Variants in LRRC38 observed in about 807,000 individuals in gnomAD.
LRRC38 encodes leucine-rich repeat-containing protein 38.
In LRRC38, 5 loss-of-function variants were observed where a neutral mutation model predicts 16.4. That is an observed-to-expected ratio of 0.31 (90% CI 0.16 to 0.64). LRRC38 has a LOEUF of 0.64. Ranked by LOEUF, LRRC38 falls within the 30% of genes least tolerant of loss-of-function variation. The pLI is 0.80. For missense variants in LRRC38, 341 were observed against 401.8 expected (o/e 0.85, Z 1.29); for synonymous variants, 191 against 190.2 (o/e 1.00, Z -0.04).
intron 1 of LRRC38, among the ~76,000 whole-genome samples, chr1:13,504,918 G>A (rs574467310): frequency 1.0e-3 from 154 of 152,142 alleles, no homozygotes; most frequent in Middle Eastern, 3.4e-3. Flanking sequence ...TATGAGAAGC[G>A]GAGACAAGCA....
chr1:13,488,601 A>G (rs1328081237), intron 1 of LRRC38, among the ~76,000 whole-genome samples: 1 of 152,074 alleles, frequency 6.6e-6, no homozygotes, highest in Non-Finnish European at 1.5e-5. Flanking sequence ...CCTAAGATAC[A>G]TTCCCACAAG....
At chr1:13,489,547 C>T (rs1638983041) in intron 1 of LRRC38, among the ~76,000 whole-genome samples, 1 of 151,986 alleles carries the variant, frequency 6.6e-6, no homozygotes, top group African/African-American at 2.4e-5. Context: ...CTGTGTAGTG[C>T]TCTTCCCAGG....
At chr1:13,490,927 G>A (rs936181757) in intron 1 of LRRC38, among the ~76,000 whole-genome samples, 1 of 152,144 alleles carries the variant, frequency 6.6e-6, no homozygotes, top group Non-Finnish European at 1.5e-5. Flanking sequence ...CTCAGGATAC[G>A]CAGGGGTGTG....
Position 13,475,949 on chromosome 1 carries a change from G to C in LRRC38, c.782C>G (p.Ala261Gly). ...CAGGAAGAAGCTGGAGATGATGGCC[G>C]CAATGGACACGGCCACACCGGAGAA... Reference protein sequence around the residue: ...IIFSGVAVSIAAIISSFFLAT... With the variant: ...IIFSGVAVSIGAIISSFFLAT... Residue 261 changes from alanine to glycine, a missense_variant, in exon 2 of 2, where the codon GCG (alanine) becomes GGG (glycine). Physicochemically the swap from Ala to Gly is moderately conservative, Grantham distance 60 (BLOSUM62 0). Coordinates refer to ENST00000376085, the MANE Select transcript of LRRC38 (RefSeq NM_001010847.2). The surrounding 1 kb of genome is among the most constrained non-coding windows in gnomAD (Gnocchi z 4.3). The C allele has an allele frequency of 6.4e-7, 1 of 1,550,490 alleles. No individual in the cohort carries two copies. The highest frequency in any genetic ancestry group is 8.7e-7 in the Non-Finnish European group (1 of 1,146,978).
chr1:13,500,202 C>A (rs1222666863), intron 1 of LRRC38, among the ~76,000 whole-genome samples: 1 of 151,074 alleles, frequency 6.6e-6, no homozygotes, highest in Admixed American at 6.6e-5. Context: ...TTGCAGTGAG[C>A]CGAGATCATG....
intron 1 of LRRC38, among the ~76,000 whole-genome samples, chr1:13,486,831 T>C (rs1368220540): frequency 2.0e-5 from 3 of 152,158 alleles, no homozygotes. Context: ...ACTCAAGCGA[T>C]CCACCTGCCT....
chr1:13,508,253 G>A (rs1639234525), intron 1 of LRRC38, among the ~76,000 whole-genome samples: 1 of 152,104 alleles, frequency 6.6e-6, no homozygotes, highest in Non-Finnish European at 1.5e-5. Context: ...ACAAAAAAAA[G>A]CATAGACTTT....
intron 1 of LRRC38, among the ~76,000 whole-genome samples, chr1:13,492,570 C>T (rs533670507): frequency 2.7e-4 from 41 of 152,064 alleles, no homozygotes; most frequent in Middle Eastern, 3.4e-3. Flanking sequence ...GGCCTGGTGG[C>T]GGGTGCCTGC....
In LRRC38 at chr1:13,483,010, C is replaced by T. The variant is rs151231475; in HGVS notation, c.632-6911G>A. Among the ~76,000 whole-genome samples the T allele has an allele frequency of 6.8e-3, 1,037 of 152,332 alleles. 3 individuals carry two copies. The highest frequency in any genetic ancestry group is 0.012 in the Non-Finnish European group (797 of 68,034). ...GAAATGCCAGAGCTGGGCCTGACCC[C>T]AGCTGGTCTGGCTCTGGAGCTTGGC... On this transcript the variant is annotated intron_variant, in intron 1 of 1. Coordinates refer to ENST00000376085, the MANE Select transcript of LRRC38 (RefSeq NM_001010847.2).
At chr1:13,504,709 TGA>T (rs1639188769) in intron 1 of LRRC38, among the ~76,000 whole-genome samples, 2 of 82,824 alleles carry the variant, frequency 2.4e-5, no homozygotes, top group South Asian at 1.1e-3. Context: ...GGTGACAGAG[TGA>T]GACTGTGTTG....
chr1:13,511,114 C>G (rs1026776949), intron 1 of LRRC38, among the ~76,000 whole-genome samples: 2 of 152,172 alleles, frequency 1.3e-5, no homozygotes, highest in Non-Finnish European at 2.9e-5. Flanking sequence ...CCTGTCCATC[C>G]TTCCTCCCGT....
chr1:13,512,410 A>G (rs952228412), intron 1 of LRRC38, among the ~76,000 whole-genome samples: 1 of 152,162 alleles, frequency 6.6e-6, no homozygotes, highest in Admixed American at 6.5e-5. Context: ...GAGAACTACA[A>G]ATCATTACTG....
At position 13,513,150 on chromosome 1, in the gene LRRC38, G is replaced by A. The variant is rs1639294582; in HGVS notation, c.444C>T (p.Phe148=). ...NNLVGVHEDA[F]ETLESLQVLE... is the part of the protein sequence containing the mutation. ...GCACCTGCAGCGACTCCAGGGTCTC[G>A]AAGGCGTCCTCGTGCACGCCCACCA... Residue 148 remains phenylalanine (F), a synonymous_variant, in exon 1 of 2, where the codon TTC becomes TTT. Coordinates refer to ENST00000376085, the MANE Select transcript of LRRC38 (RefSeq NM_001010847.2). 5 of 1,550,350 alleles carry A rather than the reference G, an allele frequency of 3.2e-6. No homozygotes were observed. Among genetic ancestry groups the A allele is most frequent in the Non-Finnish European group, 4.4e-6 (5 of 1,146,936 alleles).
intron 1 of LRRC38, among the ~76,000 whole-genome samples, chr1:13,503,751 C>T (rs368113665): frequency 1.5e-4 from 23 of 152,214 alleles, no homozygotes; most frequent in Non-Finnish European, 2.4e-4. Flanking sequence ...GGAGGACCCA[C>T]TGGGAGCTAA....
chr1:13,476,195 C>G lies in LRRC38; in HGVS notation c.632-96G>C, dbSNP rs999785609. 3.6e-6 allele frequency: 4 copies of G among 1,124,994 alleles called. No homozygotes were observed. In the African/African-American group the frequency reaches 4.8e-5, roughly 14 times the overall value. 69.7% of individuals were successfully genotyped at this position (1,124,994 alleles called of 1,614,324 possible). Reference sequence around the variant, plus strand: ...AGGTGCTTACAAAGCCAGCAATGTGCAAGCATCCTCCCAAAAATAAAAGGG... The same window carrying G: ...AGGTGCTTACAAAGCCAGCAATGTGGAAGCATCCTCCCAAAAATAAAAGGG... On this transcript the variant is annotated intron_variant, in intron 1 of 1. Transcript: ENST00000376085.
intron 1 of LRRC38, among the ~76,000 whole-genome samples, chr1:13,493,410 C>G (rs574276130): frequency 1.3e-5 from 2 of 152,276 alleles, no homozygotes; most frequent in Admixed American, 1.3e-4. Context: ...ATCTGACCTT[C>G]TACTGTCACA....
intron 1 of LRRC38, among the ~76,000 whole-genome samples, chr1:13,508,244 C>T (rs1224857373): frequency 1.3e-5 from 2 of 151,742 alleles, no homozygotes; most frequent in African/African-American, 4.8e-5. Flanking sequence ...CTCAAAACAA[C>T]AAAAAAAAGC....
intron 1 of LRRC38, among the ~76,000 whole-genome samples, chr1:13,484,251 T>C (rs1016349376): frequency 6.6e-6 from 1 of 152,240 alleles, no homozygotes; most frequent in East Asian, 1.9e-4. Flanking sequence ...CCTGCCTCCA[T>C]TCAAAGCAGC....
chr1:13,495,752 C>G (rs1022645620), intron 1 of LRRC38, among the ~76,000 whole-genome samples: 32 of 152,090 alleles, frequency 2.1e-4, no homozygotes, highest in African/African-American at 7.5e-4. Context: ...CCAAAGGCAG[C>G]TCATTTTCAG....
Sources: allele counts gnomAD v4.1 joint callset (sites outside exome capture counted in the v4.1 genomes callset), GRCh38; gene constraint gnomAD v4.1.1; non-coding constraint Gnocchi (gnomAD v3.1); transcripts MANE v1.5; gene names NCBI Gene and HGNC (gene_info 2026-07-23, HGNC 2026-07-21).